Variants in CPA4 observed in about 807,000 individuals in gnomAD.
CPA4 encodes carboxypeptidase A4.
A neutral mutation model predicts 54.7 loss-of-function variants in CPA4; 49 were observed. The observed-to-expected ratio is 0.90, with a 90% CI of 0.71 to 1.14. The LOEUF is 1.14. Ranked by LOEUF, CPA4 falls within the 50% of genes most tolerant of loss-of-function variation. CPA4 has a pLI of 0.00. For synonymous variants in CPA4, 215 were observed against 206.8 expected (o/e 1.04, Z -0.34); for missense variants, 487 against 525.1 (o/e 0.93, Z 0.71).
Position 130,308,190 on chromosome 7 carries a change from G to A in CPA4, c.703-117G>A, listed in dbSNP as rs1793854524. The A allele has an allele frequency of 3.7e-6, 3 of 811,096 alleles. No individual in the cohort carries two copies. In the Admixed American group the frequency reaches 5.4e-5, roughly 15 times the overall value. 50.2% of individuals were successfully genotyped at this position (811,096 alleles called of 1,614,324 possible). On this transcript the variant is annotated intron_variant, in intron 7 of 10. Transcript: ENST00000222482. ...CTCAATGAGGACTAGGAGCCCCAGG[G>A]CCCTCCTGGCAGAACTGCAAGCAGC...
chr7:130,307,082 A>G (rs10244592), intron 7 of CPA4, among the ~76,000 whole-genome samples, 185 bp downstream of exon 7: 3,571 of 152,326 alleles, frequency 0.023, 149 homozygotes, highest in African/African-American at 0.082. Context: ...AAATAGTCTA[A>G]TGAACTCCCT....
At position 130,310,747 on chromosome 7, in the gene CPA4, G is replaced by T; in HGVS notation, c.794-40G>T. The T allele has an allele frequency of 6.3e-7, 1 of 1,581,314 alleles. No homozygotes were observed. Among genetic ancestry groups the T allele is most frequent in the Non-Finnish European group, 8.7e-7 (1 of 1,150,408 alleles). On this transcript the variant is annotated intron_variant, in intron 8 of 10. Coordinates refer to ENST00000222482, the MANE Select transcript of CPA4 (RefSeq NM_016352.4). The surrounding 1 kb of genome is among the most constrained non-coding windows in gnomAD (Gnocchi z 4.3). ...AGCGTCTTGCATTTCTGTGTTCTTG[G>T]ACTATGAGTTAATGTTTGTTCTTGG...
intron 4 of CPA4, among the ~76,000 whole-genome samples, 170 bp from the exon 5 acceptor site, chr7:130,304,308 G>A (rs1437313727): frequency 6.6e-6 from 1 of 152,194 alleles, no homozygotes; most frequent in African/African-American, 2.4e-5. Flanking sequence ...TTGTAGAAAA[G>A]GACTATTCAG....
intron 1 of CPA4, among the ~76,000 whole-genome samples, chr7:130,297,298 C>G (rs969498450): frequency 1.3e-5 from 2 of 152,094 alleles, no homozygotes; most frequent in African/African-American, 2.4e-5. Flanking sequence ...TGGTGCTTGC[C>G]GAGGTCAGGG....
In CPA4 at chr7:130,322,517, G is replaced by C. The variant is rs1454998760; in HGVS notation, c.1107G>C (p.Trp369Cys). ...CAGCTAGCGGGAGCAGCATCGACTG[G>C]GCATATGACAACGGCATCAAATTTG... is the stretch of plus-strand genomic sequence containing the variant. The part of the protein sequence containing the change: ...VYPASGSSID[W>C]AYDNGIKFAF... Residue 369 changes from tryptophan to cysteine, a missense_variant, in exon 11 of 11, where the codon TGG becomes TGC. Physicochemically the swap from Trp to Cys is radical, Grantham distance 215. Transcript: ENST00000222482. 2 of 1,614,010 alleles carry C rather than the reference G, an allele frequency of 1.2e-6. No homozygotes were observed. The highest frequency in any genetic ancestry group is 8.5e-7 in the Non-Finnish European group (1 of 1,179,964).
chr7:130,299,370 G>T lies in CPA4; in HGVS notation c.251G>T (p.Gly84Val). The part of the protein sequence containing the change: ...QAFKSFLRSQ[G>V]LEYAVTIEDL... The stretch of plus-strand genomic sequence containing the variant: ...TTTAAATCCTTCCTGAGATCCCAGG[G>T]CTTAGAGTACGCAGTGACAATTGAG... Residue 84 changes from glycine (G) to valine (V), a missense_variant, in exon 3 of 11, where the codon GGC becomes GTC. By Grantham distance (109) the Gly-to-Val change is moderately radical (BLOSUM62 -3). Coordinates refer to ENST00000222482, the MANE Select transcript of CPA4 (RefSeq NM_016352.4). The T allele has an allele frequency of 6.2e-7, 1 of 1,614,086 alleles. No individual in the cohort carries two copies. The highest frequency in any genetic ancestry group is 8.5e-7 in the Non-Finnish European group (1 of 1,179,946).
chr7:130,299,244 C>A (rs1001612519), intron 2 of CPA4, 26 bp from the exon 3 acceptor site: 14 of 1,611,902 alleles, frequency 8.7e-6, no homozygotes, highest in Non-Finnish European at 1.2e-5. Flanking sequence ...GGTCCTTTAA[C>A]CTGGTTTCAT....
At chr7:130,308,217 T>C in intron 7 of CPA4, 90 bp from the exon 8 acceptor site, 1 of 1,089,782 alleles carries the variant, frequency 9.2e-7, no homozygotes, top group Non-Finnish European at 1.4e-6. Flanking sequence ...GCAAGCAGCC[T>C]GCCCTGCCTG....
At chr7:130,301,610 G>A (rs2117137592) in intron 4 of CPA4, among the ~76,000 whole-genome samples, 1 of 152,162 alleles carries the variant, frequency 6.6e-6, no homozygotes, top group South Asian at 2.1e-4. Context: ...ATCTAAATTA[G>A]TATTCCCCCT....
At chr7:130,304,388 T>C (rs1793785476) in intron 4 of CPA4, 90 bp from the exon 5 acceptor site, 12 of 832,734 alleles carry the variant, frequency 1.4e-5, no homozygotes, top group Admixed American at 3.4e-5. Context: ...CCGGAAGAGA[T>C]AGTTAAGATC....
At chr7:130,311,028 A>G in intron 9 of CPA4, 42 bp downstream of exon 9, 1 of 1,531,370 alleles carries the variant, frequency 6.5e-7, no homozygotes, top group Non-Finnish European at 9.0e-7. Flanking sequence ...GGCCCGCCTG[A>G]CCCTCCTGGC....
intron 1 of CPA4, among the ~76,000 whole-genome samples, chr7:130,294,962 C>T (rs1793626167): frequency 6.6e-6 from 1 of 152,216 alleles, no homozygotes; most frequent in Non-Finnish European, 1.5e-5. Context: ...ATTCCCCTCC[C>T]TTCCATCTGC....
chr7:130,305,979 G>C, intron 6 of CPA4, 59 bp downstream of exon 6: 1 of 1,425,502 alleles, frequency 7.0e-7, no homozygotes, highest in Non-Finnish European at 9.9e-7. Context: ...CCTGCAGCAT[G>C]CCATGTGGCT....
intron 4 of CPA4, among the ~76,000 whole-genome samples, chr7:130,301,179 T>C (rs1259899235): frequency 6.6e-6 from 1 of 152,198 alleles, no homozygotes; most frequent in Non-Finnish European, 1.5e-5. Flanking sequence ...ATGAAAATAA[T>C]TGCAATCATT....
At position 130,322,582 on chromosome 7, in the gene CPA4, T is replaced by C; in HGVS notation, c.1172T>C (p.Phe391Ser). 1 of 1,614,172 alleles carries C rather than the reference T, an allele frequency of 6.2e-7. No homozygotes were observed. The highest frequency in any genetic ancestry group is 8.5e-7 in the Non-Finnish European group (1 of 1,180,014). The change falls in exon 11 of 11, where the codon TTC becomes TCC. Residue 391 changes from phenylalanine to serine, a missense_variant. By Grantham distance (155) the Phe-to-Ser change is radical (BLOSUM62 -2). Transcript: ENST00000222482. ...TTGAGAGATACCGGGACCTATGGCTTCCTCCTGCCAGCTAACCAGATCATC... is the reference window on the plus strand; with the variant it reads ...TTGAGAGATACCGGGACCTATGGCTCCCTCCTGCCAGCTAACCAGATCATC... ...FELRDTGTYGFLLPANQIIPT... is the reference protein window; with the variant it reads ...FELRDTGTYGSLLPANQIIPT...
rs141865174 is a variant in CPA4, at chr7:130,293,219, C to G, written c.39C>G (p.Ser13=). Residue 13 remains serine (S), a synonymous_variant, in exon 1 of 11, where the codon TCC becomes TCG. Transcript: ENST00000222482. ...TGTTCATTGGGGCCCTTATTGGGTC[C>G]AGCATCTGTGGCCAAGAAAAATTTT... is the stretch of plus-strand genomic sequence containing the variant. The part of the protein sequence containing the change: ...WILFIGALIG[S]SICGQEKFFG... 197 of 1,612,732 alleles carry G rather than the reference C, an allele frequency of 1.2e-4. No homozygotes were observed. In the African/African-American group the frequency reaches 2.1e-3, roughly 17 times the overall value.
chr7:130,311,809 C>T (rs544865745), intron 9 of CPA4, among the ~76,000 whole-genome samples: 1 of 152,246 alleles, frequency 6.6e-6, no homozygotes, highest in South Asian at 2.1e-4. Context: ...TCTCCTCCCC[C>T]AAACTGGGAG....
At chr7:130,317,367 A>G (rs1167637524) in intron 10 of CPA4, among the ~76,000 whole-genome samples, 1 of 152,254 alleles carries the variant, frequency 6.6e-6, no homozygotes, top group Non-Finnish European at 1.5e-5. Context: ...AGTACATTGC[A>G]CGATGATGAA....
rs1254109643 is a variant in CPA4 at position 130,308,209 on chromosome 7, A to C, written c.703-98A>C. On this transcript the variant is annotated intron_variant, in intron 7 of 10. Transcript: ENST00000222482. ...CCCAGGGCCCTCCTGGCAGAACTGCAAGCAGCCTGCCCTGCCTGCGTGTCA... is the reference window on the plus strand; with the variant it reads ...CCCAGGGCCCTCCTGGCAGAACTGCCAGCAGCCTGCCCTGCCTGCGTGTCA... 4.9e-6 allele frequency: 5 copies of C among 1,012,962 alleles called. No homozygotes were observed. In the African/African-American group the frequency reaches 7.9e-5, roughly 16 times the overall value. The allele number at this position is 1,012,962 out of a possible 1,614,324, so 62.7% of individuals were successfully genotyped here.
Sources: allele counts gnomAD v4.1 joint callset (sites outside exome capture counted in the v4.1 genomes callset), GRCh38; gene constraint gnomAD v4.1.1; non-coding constraint Gnocchi (gnomAD v3.1); transcripts MANE v1.5; gene names NCBI Gene and HGNC (gene_info 2026-07-23, HGNC 2026-07-21).